Variants in EPHA7 observed in about 807,000 individuals in gnomAD.
EPHA7 encodes EPH receptor A7, also known as ephrin type-A receptor 7.
A neutral mutation model predicts 112.6 loss-of-function variants in EPHA7; 25 were observed. That is an observed-to-expected ratio of 0.22 (90% CI 0.16 to 0.31). The LOEUF is 0.31. Among genes scored for constraint, EPHA7 ranks in the 10% least tolerant of loss-of-function variants. The pLI, the probability that EPHA7 is intolerant of heterozygous loss-of-function variation, is 1.00. For missense variants in EPHA7, 962 were observed against 1,212.6 expected, an observed-to-expected ratio of 0.79 and a Z score of 3.07; for synonymous variants, 437 against 406.5, an observed-to-expected ratio of 1.07 and a Z score of -0.90.
intron 5 of EPHA7, among the ~76,000 whole-genome samples, chr6:93,352,591 T>C (rs1450012642): frequency 1.3e-5 from 2 of 152,112 alleles, no homozygotes; most frequent in Non-Finnish European, 2.9e-5. Flanking sequence ...AAGTGTTCTA[T>C]TGTTAGATAC....
chr6:93,392,386 T>C (rs1443744705), intron 3 of EPHA7, among the ~76,000 whole-genome samples: 1 of 151,906 alleles, frequency 6.6e-6, no homozygotes, highest in Non-Finnish European at 1.5e-5. Flanking sequence ...TAGGAAAAGG[T>C]GGGAAATGTC....
At chr6:93,323,986 T>G (rs1253181857) in intron 5 of EPHA7, among the ~76,000 whole-genome samples, 2 of 151,494 alleles carry the variant, frequency 1.3e-5, no homozygotes, top group Admixed American at 1.3e-4. Context: ...CCTCCAAGTA[T>G]TATCAGTGGT....
rs193078507 is a variant in EPHA7, at chr6:93,352,217, A to G, written c.1324+4500T>C. Among the ~76,000 whole-genome samples, 483 of 152,240 alleles carry G rather than the reference A, an allele frequency of 3.2e-3. 8 individuals are homozygous for G. Among genetic ancestry groups the G allele is most frequent in the African/African-American group, 0.011 (463 of 41,554 alleles). ...ATTTATTTCCCTTTGAGGAGAGACC[A>G]CATATTACAATTGCTTAAATAATCC... On this transcript the variant is annotated intron_variant, in intron 5 of 16. Transcript: ENST00000369303.
intron 5 of EPHA7, among the ~76,000 whole-genome samples, chr6:93,284,355 T>G (rs994623761): frequency 1.3e-5 from 2 of 151,908 alleles, no homozygotes; most frequent in African/African-American, 4.8e-5. Context: ...CTGGTGTTCC[T>G]CAGAGTGATG....
rs1422189874 is a variant in EPHA7 at position 93,410,339 on chromosome 6, T to A, written c.832+162A>T. 3.1e-6 allele frequency: 2 copies of A among 637,816 alleles called. No individual in the cohort carries two copies. The highest frequency in any genetic ancestry group is 5.4e-6 in the Non-Finnish European group (2 of 367,826). The allele number at this position is 637,816 out of a possible 1,614,324, so 39.5% of individuals were successfully genotyped here. A position where few individuals can be genotyped will look rare whatever the true frequency, so the allele number is the denominator to read the frequency against. On this transcript the variant is annotated intron_variant, in intron 3 of 16. Transcript: ENST00000369303. The surrounding 1 kb of genome is among the most constrained non-coding windows in gnomAD (Gnocchi z 4.0). ...CATACACTTAGTGCAGATGCTACTG[T>A]AGGGCAATCACTAAGTTCAACGGTG...
At chr6:93,408,767 G>A (rs936253421) in intron 3 of EPHA7, among the ~76,000 whole-genome samples, 6 of 152,030 alleles carry the variant, frequency 3.9e-5, no homozygotes, top group African/African-American at 1.4e-4. Flanking sequence ...AAAGGTATTT[G>A]CTCAGTTACT....
At position 93,246,855 on chromosome 6, in the gene EPHA7, C is replaced by T. The variant is rs750460575; in HGVS notation, c.2663G>A (p.Gly888Glu). 2 of 1,613,860 alleles carry T rather than the reference C, an allele frequency of 1.2e-6. No individual in the cohort carries two copies. Among genetic ancestry groups the T allele is most frequent in the Non-Finnish European group, 1.7e-6 (2 of 1,179,808 alleles). Residue 888 changes from glycine (G) to glutamate (E), a missense_variant, in exon 15 of 17, where the codon GGA becomes GAA. Coordinates refer to ENST00000369303, the MANE Select transcript of EPHA7 (RefSeq NM_004440.4). ...AERPKFEQIVGILDKMIRNPN... is the reference protein window; with the variant it reads ...AERPKFEQIVEILDKMIRNPN... ...GTTTCGAATCATTTTGTCTAGAATT[C>T]CAACTATCTGTTCAAATTTTGGCCT...
At chr6:93,308,542 A>C (rs969741895) in intron 5 of EPHA7, among the ~76,000 whole-genome samples, 1 of 152,140 alleles carries the variant, frequency 6.6e-6, no homozygotes, top group Non-Finnish European at 1.5e-5. Context: ...TCTGAGATGT[A>C]CACAGAAAGG....
intron 5 of EPHA7, among the ~76,000 whole-genome samples, chr6:93,273,493 C>T (rs1209121198): frequency 1.3e-5 from 2 of 151,920 alleles, no homozygotes; most frequent in South Asian, 2.1e-4. Flanking sequence ...TTTGTTTCTT[C>T]TACTTAATAT....
At chr6:93,380,879 T>C (rs1777302679) in intron 3 of EPHA7, among the ~76,000 whole-genome samples, 1 of 152,168 alleles carries the variant, frequency 6.6e-6, no homozygotes, top group Non-Finnish European at 1.5e-5. Flanking sequence ...CACTTATTCA[T>C]GAATGTATTG....
intron 3 of EPHA7, among the ~76,000 whole-genome samples, chr6:93,391,529 C>T (rs1028739329): frequency 6.6e-6 from 1 of 151,764 alleles, no homozygotes; most frequent in Non-Finnish European, 1.5e-5. Flanking sequence ...AGGCAAGGAG[C>T]CTGAACATGG....
At chr6:93,297,148 T>G (rs901317410) in intron 5 of EPHA7, among the ~76,000 whole-genome samples, 1 of 152,070 alleles carries the variant, frequency 6.6e-6, no homozygotes, top group African/African-American at 2.4e-5. Flanking sequence ...AACTGCATAC[T>G]GCAGACTGAG....
chr6:93,375,009 C>T (rs1182467994), intron 3 of EPHA7, among the ~76,000 whole-genome samples: 3 of 152,068 alleles, frequency 2.0e-5, no homozygotes, highest in Admixed American at 6.6e-5. Context: ...TTAACTGCCT[C>T]ATTATATAAA....
At chr6:93,375,374 G>T (rs1777003564) in intron 3 of EPHA7, among the ~76,000 whole-genome samples, 1 of 151,992 alleles carries the variant, frequency 6.6e-6, no homozygotes. Flanking sequence ...CCAGCACTTT[G>T]GGAGGCCAAG....
Position 93,240,461 on chromosome 6 carries a change from A to C in EPHA7, c.*2965T>G, listed in dbSNP as rs1582372990. ...AGTACTAGCTAATGTAGATTACATA[A>C]GTATACAATATGATTCAACTAATAG... On this transcript the variant is annotated 3_prime_UTR_variant, in exon 17 of 17. Transcript: ENST00000369303. 4.6e-6 allele frequency: 1 copy of C among 218,574 alleles called. No individual in the cohort carries two copies. The highest frequency in any genetic ancestry group is 6.8e-5 in the East Asian group (1 of 14,708). The allele number at this position is 218,574 out of a possible 1,614,324, so 13.5% of individuals were successfully genotyped here. A position where few individuals can be genotyped will look rare whatever the true frequency, so the allele number is the denominator to read the frequency against.
At chr6:93,327,026 A>G (rs1562098880) in intron 5 of EPHA7, among the ~76,000 whole-genome samples, 1 of 151,546 alleles carries the variant, frequency 6.6e-6, no homozygotes, top group Non-Finnish European at 1.5e-5. Flanking sequence ...AATCTGTGCT[A>G]TCTAGAATTG....
chr6:93,417,827 G>C (rs1394069045), intron 1 of EPHA7, among the ~76,000 whole-genome samples: 1 of 152,074 alleles, frequency 6.6e-6, no homozygotes, highest in Non-Finnish European at 1.5e-5. Context: ...TTCTCTGAAT[G>C]GGTTCAGCAT....
intron 5 of EPHA7, among the ~76,000 whole-genome samples, chr6:93,344,024 T>A (rs1301599428): frequency 6.6e-6 from 1 of 151,494 alleles, no homozygotes; most frequent in African/African-American, 2.4e-5. Flanking sequence ...ATTTCCAAAT[T>A]TTTAGGTGGT....
At chr6:93,403,426 A>G (rs2127990202) in intron 3 of EPHA7, among the ~76,000 whole-genome samples, 1 of 152,114 alleles carries the variant, frequency 6.6e-6, no homozygotes, top group South Asian at 2.1e-4. Flanking sequence ...AAGACAAGGA[A>G]TAAAATAAGA....
Sources: gnomAD v4.1 joint callset for allele counts (sites outside exome capture counted in the v4.1 genomes callset) on GRCh38, gnomAD v4.1.1 for gene constraint, Gnocchi (gnomAD v3.1) non-coding constraint, MANE v1.5 for transcripts, NCBI Gene and HGNC (gene_info 2026-07-23, HGNC 2026-07-21) for gene names.